The following COL22A1 variants were observed in gnomAD, a reference collection of about 807,000 sequenced individuals.
The protein encoded by COL22A1 is collagen alpha-1(XXII) chain.
A neutral mutation model predicts 248.9 loss-of-function variants in COL22A1; 221 were observed. The ratio of observed to expected loss-of-function variants is 0.89; its 90% confidence interval spans 0.80 to 0.99. The LOEUF is 0.99. Ranked by LOEUF, COL22A1 falls within the 50% of genes least tolerant of loss-of-function variation. COL22A1 has a pLI of 0.00. For missense variants in COL22A1, 2,240 were observed against 2,179.0 expected (o/e 1.03, Z -0.56); for synonymous variants, 891 against 793.4 (o/e 1.12, Z -2.07).
At chr8:138,825,108 G>C (rs1156661743) in intron 6 of COL22A1, among the ~76,000 whole-genome samples, 1 of 152,176 alleles carries the variant, frequency 6.6e-6, no homozygotes, top group African/African-American at 2.4e-5. Context: ...CAGACCCTGA[G>C]AAAATGGAGA....
intron 52 of COL22A1, chr8:138,619,898 C>A: frequency 4.7e-6 from 1 of 210,772 alleles, no homozygotes; most frequent in South Asian, 9.6e-5. Flanking sequence ...GATGGCAACA[C>A]TGAGGCTCAA....
intron 47 of COL22A1, among the ~76,000 whole-genome samples, chr8:138,637,592 T>C (rs1821304750): frequency 6.6e-6 from 1 of 152,220 alleles, no homozygotes; most frequent in Non-Finnish European, 1.5e-5. Flanking sequence ...TCATAATTAT[T>C]ATCTTCTTTA....
At chr8:138,650,524 C>G (rs1822614592) in intron 45 of COL22A1, among the ~76,000 whole-genome samples, 1 of 152,158 alleles carries the variant, frequency 6.6e-6, no homozygotes, top group Non-Finnish European at 1.5e-5. Flanking sequence ...TAACTGTACT[C>G]CAGCCTGCCT....
intron 23 of COL22A1, among the ~76,000 whole-genome samples, chr8:138,734,145 T>C (rs576638036): frequency 3.9e-5 from 6 of 152,302 alleles, no homozygotes; most frequent in Admixed American, 2.6e-4. Flanking sequence ...CTGCGGGAAA[T>C]AGACGCTCCC....
At chr8:138,908,362 T>G (rs1815181699) in intron 1 of COL22A1, among the ~76,000 whole-genome samples, 1 of 152,166 alleles carries the variant, frequency 6.6e-6, no homozygotes, top group South Asian at 2.1e-4. Flanking sequence ...CTCAGAAGAG[T>G]TGCAGATACT....
rs1829900265 is a variant in COL22A1 at position 138,721,983 on chromosome 8, TAGTTTCTGTGTTTTGGGTTCCCAA to T, written c.2301+29_2301+52del. 28 of 1,341,080 alleles carry T rather than the reference TAGTTTCTGTGTTTTGGGTTCCCAA, an allele frequency of 2.1e-5. No individual in the cohort carries two copies. The South Asian group carries it at 2.6e-4, about 13-fold the overall frequency. 83.1% of individuals were successfully genotyped at this position (1,341,080 alleles called of 1,614,324 possible). On this transcript the variant is annotated intron_variant, in intron 26 of 64. Transcript: ENST00000303045. ...ATTCACCAACAATCAAGCATCTCTT[TAGTTTCTGTGTTTTGGGTTCCCAA>T]ACTGGTGCCAACCGCATCAGTGACC... is the stretch of plus-strand genomic sequence containing the variant.
At chr8:138,592,490 AT>A (rs1179761048) in intron 63 of COL22A1, among the ~76,000 whole-genome samples, 1 of 152,184 alleles carries the variant, frequency 6.6e-6, no homozygotes, top group Non-Finnish European at 1.5e-5. Flanking sequence ...TCTTATTGAC[AT>A]TTATTTTATA....
chr8:138,809,087 C>T (rs1335602679), intron 9 of COL22A1, among the ~76,000 whole-genome samples: 4 of 150,852 alleles, frequency 2.7e-5, no homozygotes, highest in African/African-American at 4.9e-5. Flanking sequence ...TTTATTGAAA[C>T]GAAGATGAAA....
chr8:138,599,873 G>C (rs1293631880), intron 60 of COL22A1, among the ~76,000 whole-genome samples: 2 of 152,232 alleles, frequency 1.3e-5, no homozygotes, highest in Non-Finnish European at 2.9e-5. Flanking sequence ...CAAGAGTGCA[G>C]CTCCTCGGGC....
intron 6 of COL22A1, among the ~76,000 whole-genome samples, chr8:138,821,633 C>G (rs1360038904): frequency 6.6e-6 from 1 of 152,184 alleles, no homozygotes; most frequent in Admixed American, 6.5e-5. Flanking sequence ...GTCTACCTTG[C>G]AGGCTGTTCT....
At chr8:138,661,939 T>C (rs1824003541) in intron 43 of COL22A1, 91 bp downstream of exon 43, 1 of 933,498 alleles carries the variant, frequency 1.1e-6, no homozygotes, top group Admixed American at 2.7e-5. Flanking sequence ...GTTGGCCACA[T>C]GGTCAAAGGA....
At chr8:138,813,785 G>A (rs547747566) in intron 7 of COL22A1, among the ~76,000 whole-genome samples, 2 of 152,212 alleles carry the variant, frequency 1.3e-5, no homozygotes, top group East Asian at 3.9e-4. Context: ...TCCGCACACA[G>A]AGGCACACCA....
At chr8:138,672,170 G>T (rs557750008) in intron 41 of COL22A1, among the ~76,000 whole-genome samples, 1 of 152,090 alleles carries the variant, frequency 6.6e-6, no homozygotes, top group Admixed American at 6.6e-5. Flanking sequence ...ATGTCCTAAC[G>T]GTGACTTCAG....
chr8:138,684,953 C>T (rs1490000246), intron 38 of COL22A1, among the ~76,000 whole-genome samples: 1 of 152,178 alleles, frequency 6.6e-6, no homozygotes, highest in Non-Finnish European at 1.5e-5. Flanking sequence ...CTGACTGTCT[C>T]TCCATGAGAT....
At chr8:138,730,573 G>T (rs1404108938) in intron 23 of COL22A1, among the ~76,000 whole-genome samples, 1 of 152,152 alleles carries the variant, frequency 6.6e-6, no homozygotes, top group Non-Finnish European at 1.5e-5. Context: ...GTGACTTACG[G>T]CAAGGGTTTC....
At chr8:138,658,079 T>C (rs10087668) in intron 44 of COL22A1, among the ~76,000 whole-genome samples, 112,458 of 152,084 alleles carry the variant, frequency 0.74, 42,512 homozygotes, top group Middle Eastern at 0.84. Flanking sequence ...CCAGAGAACC[T>C]AATCTGACAC....
At chr8:138,755,995 A>G (rs893180208) in intron 18 of COL22A1, among the ~76,000 whole-genome samples, 166 bp from the exon 19 acceptor site, 1 of 152,162 alleles carries the variant, frequency 6.6e-6, no homozygotes, top group African/African-American at 2.4e-5. Flanking sequence ...TGAAATTCTC[A>G]AAGTTCGGGT....
intron 21 of COL22A1, among the ~76,000 whole-genome samples, chr8:138,753,340 GTTC>G (rs1832756144): frequency 6.6e-6 from 1 of 152,192 alleles, no homozygotes; most frequent in Admixed American, 6.5e-5. Context: ...TCTCATTACT[GTTC>G]TTCTCTTAAT....
chr8:138,889,177 G>A (rs1231858924), intron 1 of COL22A1, among the ~76,000 whole-genome samples: 1 of 152,144 alleles, frequency 6.6e-6, no homozygotes, highest in Non-Finnish European at 1.5e-5. Flanking sequence ...GTTGGTGAAA[G>A]AAGGGACTGG....
Sources: gnomAD v4.1 joint callset for allele counts (sites outside exome capture counted in the v4.1 genomes callset) on GRCh38, gnomAD v4.1.1 for gene constraint, MANE v1.5 for transcripts, NCBI Gene and HGNC (gene_info 2026-07-23, HGNC 2026-07-21) for gene names.